ZNF454: variants seen among roughly 807,000 people sequenced by gnomAD.
ZNF454 encodes zinc finger protein 454.
In ZNF454, 30 loss-of-function variants were observed where a neutral mutation model predicts 48.2. The observed-to-expected ratio is 0.62, with a 90% CI of 0.47 to 0.84. The LOEUF (loss-of-function observed/expected upper bound fraction) is 0.84, where lower values mean the gene tolerates loss of function less well. Among genes scored for constraint, ZNF454 ranks in the 40% least tolerant of loss-of-function variants. The pLI is 0.00. For synonymous variants in ZNF454, 204 were observed against 211.4 expected (o/e 0.97, Z 0.30); for missense variants, 510 against 623.1 (o/e 0.82, Z 1.93).
intron 4 of ZNF454, chr5:178,948,235 C>T (rs1413732803): frequency 6.7e-6 from 1 of 149,936 alleles, no homozygotes; most frequent in Non-Finnish European, 1.5e-5. Context: ...AATCTTAACT[C>T]TAAAACTCAG....
the ZNF454 span, among the ~76,000 whole-genome samples, chr5:178,973,534 A>T: frequency 6.6e-6 from 1 of 152,058 alleles, no homozygotes; most frequent in South Asian, 2.1e-4. Context: ...TAGTGTCTTT[A>T]CTGATTAAAA....
At chr5:178,956,679 ATTT>A (rs1561702214) in intron 4 of ZNF454, among the ~76,000 whole-genome samples, 4 of 50,826 alleles carry the variant, frequency 7.9e-5, no homozygotes, top group African/African-American at 4.2e-4. Context: ...TATTTAATTT[ATTT>A]ATTTATTTAT....
At chr5:178,962,144 G>A (rs992818132) in intron 4 of ZNF454, among the ~76,000 whole-genome samples, 8 of 151,688 alleles carry the variant, frequency 5.3e-5, no homozygotes, top group African/African-American at 1.9e-4. Context: ...TTTTCTCTGT[G>A]TGTTGAATTC....
chr5:178,983,165 A>G, the ZNF454 span: 4 of 1,613,908 alleles, frequency 2.5e-6, no homozygotes, highest in Non-Finnish European at 3.4e-6. Context: ...GCTGTTCCTC[A>G]TAGTCAATCA....
the ZNF454 span, among the ~76,000 whole-genome samples, chr5:178,971,960 G>A: frequency 6.6e-6 from 1 of 152,114 alleles, no homozygotes; most frequent in Non-Finnish European, 1.5e-5. Context: ...TTGAGATGGA[G>A]TCTCACTCTG....
chr5:178,977,275 A>C, the ZNF454 span: 1 of 293,334 alleles, frequency 3.4e-6, no homozygotes, highest in Admixed American at 3.6e-5. Context: ...TTGGGAGGTT[A>C]TGAAAGTAGA....
intron 4 of ZNF454, among the ~76,000 whole-genome samples, chr5:178,956,629 G>A (rs1029340196): frequency 6.6e-6 from 1 of 150,804 alleles, no homozygotes; most frequent in Non-Finnish European, 1.5e-5. Flanking sequence ...GGCACCTAAG[G>A]TCAGGGTAAA....
In ZNF454 at chr5:178,950,240, T is replaced by A. The variant is rs189243555; in HGVS notation, c.250+3254T>A. On this transcript the variant is annotated intron_variant, in intron 4 of 4. Coordinates refer to ENST00000519564, the MANE Select transcript of ZNF454 (RefSeq NM_001178089.3). ...TAGCTTTCCTTCTTAGTTTTTCTAT[T>A]CTCTGTGCCATGAGCTAGGGGAAGG... 1.1e-4 allele frequency among the ~76,000 whole-genome samples: 16 copies of A among 152,348 alleles called. No homozygotes were observed. In the East Asian group the frequency reaches 3.1e-3, roughly 29 times the overall value.
the ZNF454 span, chr5:178,987,495 C>G: frequency 6.6e-6 from 3 of 454,876 alleles, no homozygotes; most frequent in Non-Finnish European, 1.3e-5. Flanking sequence ...GAAGGCAGTT[C>G]TGACCCATGC....
At position 178,944,008 on chromosome 5, in the gene ZNF454, C is replaced by G. The variant is rs577984885; in HGVS notation, c.33+1184C>G. 3.9e-5 allele frequency among the ~76,000 whole-genome samples: 6 copies of G among 152,258 alleles called. No homozygotes were observed. The highest frequency in any genetic ancestry group is 1.2e-4 in the African/African-American group (5 of 41,542). On this transcript the variant is annotated intron_variant, in intron 2 of 4. Coordinates refer to ENST00000519564, the MANE Select transcript of ZNF454 (RefSeq NM_001178089.3). This position sits in a 1 kb window ranked among gnomAD's most constrained non-coding sequence, Gnocchi z 4.1. ...TGCCAGTGCACTCCAGCCTGAGTGA[C>G]AGAGCGAGACTCCATCTCAAAAATA...
chr5:178,985,910 C>T, the ZNF454 span: 18 of 585,004 alleles, frequency 3.1e-5, no homozygotes, highest in Admixed American at 8.8e-5. Flanking sequence ...TACAGGCACG[C>T]ACCACCATGC....
chr5:178,953,852 C>T lies in ZNF454; in HGVS notation c.250+6866C>T, dbSNP rs1402035711. ...TCTCTGAAAACTTGCAAGATTTTCT[C>T]ATTTACTCCAGTGATCTTAAATTTC... On this transcript the variant is annotated intron_variant, in intron 4 of 4. Coordinates refer to ENST00000519564, the MANE Select transcript of ZNF454 (RefSeq NM_001178089.3). Among the ~76,000 whole-genome samples the T allele has an allele frequency of 2.0e-5, 3 of 152,148 alleles. No individual in the cohort carries two copies. In the East Asian group the frequency reaches 5.8e-4, roughly 29 times the overall value.
intron 4 of ZNF454, among the ~76,000 whole-genome samples, chr5:178,957,352 C>G (rs1447861588): frequency 6.6e-6 from 1 of 152,058 alleles, no homozygotes; most frequent in Non-Finnish European, 1.5e-5. Context: ...TACTTGCATG[C>G]CACTTCAAAG....
chr5:178,942,387 CAG>C (rs1367656738), intron 1 of ZNF454: 1 of 160,716 alleles, frequency 6.2e-6, no homozygotes. Flanking sequence ...GCCTAGGTGA[CAG>C]AGCGAGACTC....
At position 178,965,304 on chromosome 5, in the gene ZNF454, T is replaced by A; in HGVS notation, c.900T>A (p.Phe300Leu). 1 of 1,614,232 alleles carries A rather than the reference T, an allele frequency of 6.2e-7. No individual in the cohort carries two copies. Residue 300 changes from phenylalanine (F) to leucine (L), a missense_variant, in exon 5 of 5, where the codon TTT becomes TTA. Physicochemically the swap from Phe to Leu is conservative, Grantham distance 22 (BLOSUM62 0). Around this residue, in one of 3 missense-constraint regions of ZNF454, gnomAD observed 354 missense variants for 408.9 expected, o/e 0.87. Coordinates refer to ENST00000519564, the MANE Select transcript of ZNF454 (RefSeq NM_001178089.3). The surrounding 1 kb of genome is among the most constrained non-coding windows in gnomAD (Gnocchi z 5.2). ...GAATACATACTGGAGAGAAACCTTT[T>A]AAATGTAACATTTGTGAAAAAGCCT... Reference protein sequence around the residue: ...HHRIHTGEKPFKCNICEKAFV... With the variant: ...HHRIHTGEKPLKCNICEKAFV...
Position 178,946,261 on chromosome 5 carries a change from G to A in ZNF454, c.34-98G>A. ...CAGCTCCCTGTGTGCCAGCAGTCCT[G>A]TAAATGCGCACAAGCTCCTAGGGGC... On this transcript the variant is annotated intron_variant, in intron 2 of 4. Transcript: ENST00000519564. The surrounding 1 kb of genome is among the most constrained non-coding windows in gnomAD (Gnocchi z 4.5). 3 of 1,540,282 alleles carry A rather than the reference G, an allele frequency of 1.9e-6. No homozygotes were observed. The East Asian group carries it at 6.9e-5, about 35-fold the overall frequency.
the ZNF454 span, chr5:178,985,874 A>G: frequency 7.2e-6 from 4 of 554,202 alleles, no homozygotes; most frequent in African/African-American, 7.6e-5. Context: ...CGATCCTCCT[A>G]TTTCAGCCTC....
chr5:178,987,031 C>T, the ZNF454 span: 1 of 1,594,858 alleles, frequency 6.3e-7, no homozygotes, highest in Non-Finnish European at 8.5e-7. Context: ...CCCAGCAGAG[C>T]TGGCCTCCTG....
chr5:178,944,834 C>G lies in ZNF454; in HGVS notation c.34-1525C>G, dbSNP rs1759246745. On this transcript the variant is annotated intron_variant, in intron 2 of 4. Transcript: ENST00000519564. This position sits in a 1 kb window ranked among gnomAD's most constrained non-coding sequence, Gnocchi z 4.1. Reference sequence around the variant, plus strand: ...ACTGGGAAGACAAGAGCTGTGATAGCTACTGGATTTTACATGCTAGGTTAG... The same window carrying G: ...ACTGGGAAGACAAGAGCTGTGATAGGTACTGGATTTTACATGCTAGGTTAG... Among the ~76,000 whole-genome samples, 1 of 152,196 alleles carries G rather than the reference C, an allele frequency of 6.6e-6. No individual in the cohort carries two copies. Among genetic ancestry groups the G allele is most frequent in the South Asian group, 2.1e-4 (1 of 4,826 alleles).
Sources: gnomAD v4.1 joint callset for allele counts (sites outside exome capture counted in the v4.1 genomes callset) on GRCh38, gnomAD v4.1.1 for gene constraint, gnomAD v4.1.1 regional missense constraint, Gnocchi (gnomAD v3.1) non-coding constraint, MANE v1.5 for transcripts, NCBI Gene and HGNC (gene_info 2026-07-23, HGNC 2026-07-21) for gene names.